The following ERBB4 variants were observed in gnomAD, a reference collection of about 807,000 sequenced individuals.
The protein encoded by ERBB4 is receptor tyrosine-protein kinase erbB-4.
Under a neutral mutation model 158.0 loss-of-function variants are expected in ERBB4, and 42 were observed. The observed-to-expected ratio is 0.27, with a 90% CI of 0.21 to 0.34. The LOEUF is 0.34. Among genes scored for constraint, ERBB4 ranks in the 10% least tolerant of loss-of-function variants. The pLI is 1.00. For synonymous variants in ERBB4, 583 were observed against 558.7 expected, an observed-to-expected ratio of 1.04 and a Z score of -0.61; for missense variants, 1,333 against 1,624.1, an observed-to-expected ratio of 0.82 and a Z score of 3.08.
intron 4 of ERBB4, among the ~76,000 whole-genome samples, chr2:211,771,496 T>A (rs573616263): frequency 1.3e-5 from 2 of 152,318 alleles, no homozygotes; most frequent in South Asian, 4.1e-4. Context: ...TTTCTAAACC[T>A]TTTAGTCAAA....
rs748468855 is a variant in ERBB4, at chr2:211,561,855, A to G, written c.2487+48T>C. The stretch of plus-strand genomic sequence containing the variant: ...ATATGAAAACTGTTCCAGGTTAGGA[A>G]ATATTAACCTAAAAATGTAATTTCC... On this transcript the variant is annotated intron_variant, in intron 20 of 27. Transcript: ENST00000342788. The G allele has an allele frequency of 5.3e-6, 8 of 1,508,926 alleles. No individual in the cohort carries two copies. In the South Asian group the frequency reaches 9.0e-5, roughly 17 times the overall value. The allele number at this position is 1,508,926 out of a possible 1,614,324, so 93.5% of individuals were successfully genotyped here.
chr2:211,987,341 A>AAAAAAAAAAAAAAAAAAAAAAAAG (rs1215048952), intron 2 of ERBB4, among the ~76,000 whole-genome samples: 5 of 124,410 alleles, frequency 4.0e-5, no homozygotes, highest in African/African-American at 5.6e-5. Flanking sequence ...AAAAAAAAAA[A>AAAAAAAAAAAAAAAAAAAAAAAAG]AAAGAAAGAA....
intron 1 of ERBB4, among the ~76,000 whole-genome samples, chr2:212,341,037 T>C (rs1226157343): frequency 6.6e-6 from 1 of 152,110 alleles, no homozygotes; most frequent in East Asian, 1.9e-4. Context: ...TATGGCTCCA[T>C]GTGTGTTATT....
At chr2:212,459,000 G>T (rs1688440698) in intron 1 of ERBB4, among the ~76,000 whole-genome samples, 1 of 152,054 alleles carries the variant, frequency 6.6e-6, no homozygotes, top group Non-Finnish European at 1.5e-5. Flanking sequence ...TTTATTAAAA[G>T]CTCTATATTT....
chr2:211,524,472 A>G lies in ERBB4; in HGVS notation c.2487+37431T>C, dbSNP rs185837540. Among the ~76,000 whole-genome samples, 14 of 150,630 alleles carry G rather than the reference A, an allele frequency of 9.3e-5. No individual in the cohort carries two copies. The East Asian group carries it at 2.7e-3, about 29-fold the overall frequency. ...GCTCGGGCCGCACAGGAGCCCATGGAGTGGGTGGGAAGGTCAGGCATGGCG... is the reference window on the plus strand; with the variant it reads ...GCTCGGGCCGCACAGGAGCCCATGGGGTGGGTGGGAAGGTCAGGCATGGCG... On this transcript the variant is annotated intron_variant, in intron 20 of 27. Coordinates refer to ENST00000342788, the MANE Select transcript of ERBB4 (RefSeq NM_005235.3).
At chr2:211,806,757 A>G (rs2076626834) in intron 3 of ERBB4, among the ~76,000 whole-genome samples, 1 of 152,206 alleles carries the variant, frequency 6.6e-6, no homozygotes, top group African/African-American at 2.4e-5. Flanking sequence ...AAACATCAAG[A>G]AAAAACAAGC....
At chr2:212,262,120 T>C (rs2084967468) in intron 1 of ERBB4, among the ~76,000 whole-genome samples, 1 of 152,160 alleles carries the variant, frequency 6.6e-6, no homozygotes, top group Admixed American at 6.6e-5. Flanking sequence ...TGACCACCTC[T>C]TTACATGATG....
At chr2:211,680,866 G>T (rs2105965470) in intron 12 of ERBB4, among the ~76,000 whole-genome samples, 1 of 152,274 alleles carries the variant, frequency 6.6e-6, no homozygotes, top group Non-Finnish European at 1.5e-5. Context: ...TTTTATTGAA[G>T]TATACATAGC....
chr2:212,318,428 C>T (rs376618860), intron 1 of ERBB4, among the ~76,000 whole-genome samples: 4 of 151,492 alleles, frequency 2.6e-5, no homozygotes, highest in African/African-American at 9.7e-5. Flanking sequence ...TCTTTGATTT[C>T]TTTCCTCCTC....
At chr2:212,166,906 C>A (rs1438496818) in intron 1 of ERBB4, among the ~76,000 whole-genome samples, 1 of 151,306 alleles carries the variant, frequency 6.6e-6, no homozygotes, top group Non-Finnish European at 1.5e-5. Context: ...AAACTGAAAC[C>A]GGACCTCTTC....
intron 1 of ERBB4, among the ~76,000 whole-genome samples, chr2:212,303,227 T>C (rs1338402000): frequency 2.0e-5 from 3 of 151,414 alleles, no homozygotes; most frequent in Admixed American, 1.3e-4. Context: ...TCCATATTTC[T>C]GTCTCCTTCA....
intron 20 of ERBB4, among the ~76,000 whole-genome samples, chr2:211,518,864 T>G (rs2066112720): frequency 6.6e-6 from 1 of 152,138 alleles, no homozygotes; most frequent in East Asian, 1.9e-4. Flanking sequence ...GTAGAGTGTT[T>G]AGCATCGGTT....
chr2:211,936,055 C>T (rs965009341), intron 3 of ERBB4, among the ~76,000 whole-genome samples: 1 of 151,972 alleles, frequency 6.6e-6, no homozygotes, highest in Non-Finnish European at 1.5e-5. Context: ...TTTTTTAAAA[C>T]TAGTAGAATT....
chr2:211,969,492 AT>A (rs1334001968), intron 2 of ERBB4, among the ~76,000 whole-genome samples: 1 of 152,020 alleles, frequency 6.6e-6, no homozygotes, highest in African/African-American at 2.4e-5. Flanking sequence ...CACATAATTT[AT>A]GCTTTACCGT....
chr2:211,827,060 T>A (rs541955761), intron 3 of ERBB4, among the ~76,000 whole-genome samples: 1 of 152,088 alleles, frequency 6.6e-6, no homozygotes, highest in East Asian at 1.9e-4. Flanking sequence ...GTATATATAA[T>A]CCAAAATTTA....
At chr2:212,265,311 G>A (rs1380888447) in intron 1 of ERBB4, among the ~76,000 whole-genome samples, 7 of 152,086 alleles carry the variant, frequency 4.6e-5, no homozygotes, top group Non-Finnish European at 7.4e-5. Flanking sequence ...ATTTTATGCT[G>A]TCTGAAAGGT....
At chr2:212,261,152 A>C (rs1016828258) in intron 1 of ERBB4, among the ~76,000 whole-genome samples, 1 of 152,192 alleles carries the variant, frequency 6.6e-6, no homozygotes, top group African/African-American at 2.4e-5. Flanking sequence ...TGCATGTAAA[A>C]TTTCATGTTT....
chr2:211,777,813 C>G (rs755078090), intron 4 of ERBB4: 1 of 152,164 alleles, frequency 6.6e-6, no homozygotes, highest in African/African-American at 2.4e-5. Context: ...CTTGTCATCT[C>G]TTCTACCGTC....
chr2:211,832,534 T>C (rs2077244077), intron 3 of ERBB4, among the ~76,000 whole-genome samples: 1 of 151,830 alleles, frequency 6.6e-6, no homozygotes, highest in South Asian at 2.1e-4. Flanking sequence ...TACTGAAATA[T>C]GTTTCTTGAA....
Sources: allele counts gnomAD v4.1 joint callset (sites outside exome capture counted in the v4.1 genomes callset), GRCh38; gene constraint gnomAD v4.1.1; transcripts MANE v1.5; gene names NCBI Gene and HGNC (gene_info 2026-07-23, HGNC 2026-07-21).